Variants in GREB1L observed in about 807,000 individuals in gnomAD.
The protein encoded by GREB1L is GREB1 like retinoic acid receptor coactivator, also known as GREB1-like protein.
In GREB1L, 17 loss-of-function variants were observed where a neutral mutation model predicts 200.8. The ratio of observed to expected loss-of-function variants is 0.08; its 90% confidence interval spans 0.06 to 0.13. GREB1L has a LOEUF of 0.13. Ranked by LOEUF, GREB1L falls within the 10% of genes least tolerant of loss-of-function variation. The pLI is 1.00. For missense variants in GREB1L, 1,657 were observed against 2,367.7 expected (o/e 0.70, Z 6.23); for synonymous variants, 789 against 893.0 (o/e 0.88, Z 2.08).
At chr18:21,244,133 G>A (rs1318149541) in intron 1 of GREB1L, among the ~76,000 whole-genome samples, 2 of 152,148 alleles carry the variant, frequency 1.3e-5, no homozygotes, top group African/African-American at 2.4e-5. Context: ...CAGTTAGAGG[G>A]CTAAAAATCT....
intron 1 of GREB1L, among the ~76,000 whole-genome samples, chr18:21,343,514 C>T (rs1425184143): frequency 6.6e-6 from 1 of 152,074 alleles, no homozygotes; most frequent in Non-Finnish European, 1.5e-5. Flanking sequence ...GATTATACAA[C>T]AAGAGAGGGC....
intron 1 of GREB1L, among the ~76,000 whole-genome samples, chr18:21,265,495 T>A (rs1014540388): frequency 6.6e-6 from 1 of 152,150 alleles, no homozygotes. Context: ...CCATTTTTTT[T>A]TATATTTGTT....
intron 1 of GREB1L, among the ~76,000 whole-genome samples, chr18:21,348,929 A>G (rs2039394384): frequency 6.6e-6 from 1 of 152,202 alleles, no homozygotes; most frequent in East Asian, 1.9e-4. Context: ...TGGGTGACAG[A>G]GTGAGACCCT....
chr18:21,296,163 A>G (rs776427814), intron 1 of GREB1L, among the ~76,000 whole-genome samples: 1 of 152,224 alleles, frequency 6.6e-6, no homozygotes, highest in Non-Finnish European at 1.5e-5. Context: ...TAGCAAAGAC[A>G]TGGAATCAGC....
rs73432768 is a variant in GREB1L, at chr18:21,344,808, C to A, written c.-119-21219C>A. ...GACTGTAAGAAATGAAAGAAACTTA[C>A]AGTAAAATGCTGGCCAGTGTTCCTA... On this transcript the variant is annotated intron_variant, in intron 1 of 32. Coordinates refer to ENST00000424526, the MANE Select transcript of GREB1L (RefSeq NM_001142966.3). Among the ~76,000 whole-genome samples the A allele has an allele frequency of 2.1e-3, 316 of 152,266 alleles. 1 individual carries two copies. The highest frequency in any genetic ancestry group is 7.2e-3 in the African/African-American group (301 of 41,560).
intron 1 of GREB1L, among the ~76,000 whole-genome samples, chr18:21,298,228 C>G (rs2038560958): frequency 6.6e-6 from 1 of 152,198 alleles, no homozygotes; most frequent in South Asian, 2.1e-4. Flanking sequence ...CCCCAGTTCA[C>G]TGTGCGTCCA....
At chr18:21,413,817 G>A (rs1428472138) in intron 7 of GREB1L, among the ~76,000 whole-genome samples, 1 of 152,140 alleles carries the variant, frequency 6.6e-6, no homozygotes, top group Non-Finnish European at 1.5e-5. Flanking sequence ...CCCTTAGTAA[G>A]CATGAGGAAG....
intron 7 of GREB1L, among the ~76,000 whole-genome samples, chr18:21,404,503 A>G (rs2029938965): frequency 1.3e-5 from 2 of 152,212 alleles, no homozygotes; most frequent in Non-Finnish European, 2.9e-5. Context: ...GAATAACTAG[A>G]TAAAATCTTA....
At chr18:21,380,840 C>A (rs2040274943) in intron 2 of GREB1L, among the ~76,000 whole-genome samples, 1 of 152,182 alleles carries the variant, frequency 6.6e-6, no homozygotes, top group Non-Finnish European at 1.5e-5. Context: ...ATGGCTCACA[C>A]CTGTAATCCC....
intron 12 of GREB1L, 39 bp downstream of exon 12, chr18:21,449,875 C>A: frequency 1.5e-6 from 2 of 1,378,668 alleles, no homozygotes; most frequent in Non-Finnish European, 1.9e-6. Context: ...TTAATCAATT[C>A]ATTCGACCAT....
At chr18:21,290,459 G>A (rs1483018807) in intron 1 of GREB1L, among the ~76,000 whole-genome samples, 1 of 152,048 alleles carries the variant, frequency 6.6e-6, no homozygotes, top group East Asian at 1.9e-4. Context: ...CTTAACTACT[G>A]GGCAGATGGT....
chr18:21,248,532 A>G (rs558393353), intron 1 of GREB1L, among the ~76,000 whole-genome samples: 2 of 152,378 alleles, frequency 1.3e-5, no homozygotes, highest in South Asian at 4.1e-4. Flanking sequence ...AATGTATATT[A>G]AAATCACACA....
intron 15 of GREB1L, among the ~76,000 whole-genome samples, chr18:21,467,599 T>C (rs1294596881): frequency 6.6e-6 from 1 of 152,174 alleles, no homozygotes; most frequent in Non-Finnish European, 1.5e-5. Flanking sequence ...AATTGTTGAA[T>C]ATGTGGAGAA....
At chr18:21,379,309 C>T (rs1463485387) in intron 2 of GREB1L, among the ~76,000 whole-genome samples, 1 of 152,052 alleles carries the variant, frequency 6.6e-6, no homozygotes, top group Non-Finnish European at 1.5e-5. Context: ...CGGGTTCAAG[C>T]GATTCTCCTG....
At chr18:21,330,113 G>C (rs1348777611) in intron 1 of GREB1L, among the ~76,000 whole-genome samples, 2 of 152,166 alleles carry the variant, frequency 1.3e-5, no homozygotes, top group African/African-American at 4.8e-5. Flanking sequence ...CTATGGGTCA[G>C]CTGTCAATTG....
intron 1 of GREB1L, among the ~76,000 whole-genome samples, chr18:21,318,015 G>A (rs758232489): frequency 6.6e-6 from 1 of 151,110 alleles, no homozygotes; most frequent in Non-Finnish European, 1.5e-5. Flanking sequence ...GGCTGAAGCA[G>A]GGGAATTGCT....
Position 21,425,137 on chromosome 18 carries a change from A to T in GREB1L, c.833-14384A>T, listed in dbSNP as rs2032462765. Among the ~76,000 whole-genome samples, 3 of 152,224 alleles carry T rather than the reference A, an allele frequency of 2.0e-5. No individual in the cohort carries two copies. In the South Asian group the frequency reaches 6.2e-4, roughly 32 times the overall value. ...TTATTGATTTATAAGAGGTTTTTTA[A>T]ATATATATATTTGGGATACAAGTTC... On this transcript the variant is annotated intron_variant, in intron 7 of 32. Coordinates refer to ENST00000424526, the MANE Select transcript of GREB1L (RefSeq NM_001142966.3).
At chr18:21,458,263 G>A (rs764017967) in intron 15 of GREB1L, among the ~76,000 whole-genome samples, 2 of 152,022 alleles carry the variant, frequency 1.3e-5, no homozygotes, top group Non-Finnish European at 2.9e-5. Context: ...GAGCCACCGC[G>A]CCCGGCCCAA....
At chr18:21,431,828 T>TA (rs1239596282) in intron 7 of GREB1L, among the ~76,000 whole-genome samples, 1 of 152,096 alleles carries the variant, frequency 6.6e-6, no homozygotes, top group African/African-American at 2.4e-5. Context: ...AATTATGTCT[T>TA]ACTGGTGGAT....
Sources: gnomAD v4.1 joint callset for allele counts (sites outside exome capture counted in the v4.1 genomes callset) on GRCh38, gnomAD v4.1.1 for gene constraint, MANE v1.5 for transcripts, NCBI Gene and HGNC (gene_info 2026-07-23, HGNC 2026-07-21) for gene names.